Variants in CDH20 observed in about 807,000 individuals in gnomAD.
CDH20 encodes cadherin-20.
A neutral mutation model predicts 74.2 loss-of-function variants in CDH20; 29 were observed. That is an observed-to-expected ratio of 0.39 (90% CI 0.29 to 0.53). The LOEUF is 0.53. CDH20 is among the 20% of genes least tolerant of loss of function. CDH20 has a pLI of 0.69. For synonymous variants in CDH20, 469 were observed against 405.4 expected, an observed-to-expected ratio of 1.16 and a Z score of -1.88; for missense variants, 988 against 1,048.3, an observed-to-expected ratio of 0.94 and a Z score of 0.79.
In CDH20 at chr18:61,445,631, A is replaced by T. The variant is rs528329425; in HGVS notation, c.-152-44771A>T. On this transcript the variant is annotated intron_variant, in intron 1 of 11. Transcript: ENST00000262717. ...GAACTCAGATTATTCAAAGTCCAAC[A>T]CTCTTGCTCTTTGGACAACCACACT... 3.7e-4 allele frequency among the ~76,000 whole-genome samples: 57 copies of T among 152,194 alleles called. No homozygotes were observed. The South Asian group carries it at 9.7e-3, about 26-fold the overall frequency.
intron 8 of CDH20, among the ~76,000 whole-genome samples, chr18:61,538,608 G>GGTT (rs1912903855): frequency 5.5e-5 from 2 of 36,334 alleles, no homozygotes; most frequent in African/African-American, 7.0e-5. Context: ...TTTTGTTTTT[G>GGTT]TTTTTGTTTT....
intron 9 of CDH20, among the ~76,000 whole-genome samples, chr18:61,542,084 A>G (rs1237968463): frequency 1.3e-5 from 2 of 152,174 alleles, no homozygotes; most frequent in Non-Finnish European, 2.9e-5. Flanking sequence ...TTCTGAAACG[A>G]CTTTCCCAAC....
At chr18:61,469,934 G>A (rs2144377258) in intron 1 of CDH20, among the ~76,000 whole-genome samples, 1 of 152,280 alleles carries the variant, frequency 6.6e-6, no homozygotes, top group East Asian at 1.9e-4. Flanking sequence ...AAAAGAAAGT[G>A]TAACATGATT....
At chr18:61,404,085 C>A (rs931800036) in intron 1 of CDH20, among the ~76,000 whole-genome samples, 1 of 152,080 alleles carries the variant, frequency 6.6e-6, no homozygotes, top group Non-Finnish European at 1.5e-5. Context: ...TGGTAGGGGG[C>A]AAGGAGAGCA....
At chr18:61,430,383 G>A (rs1033819273) in intron 1 of CDH20, among the ~76,000 whole-genome samples, 9 of 152,044 alleles carry the variant, frequency 5.9e-5, no homozygotes, top group African/African-American at 1.9e-4. Context: ...ATCATATCAG[G>A]ATACATGTTG....
chr18:61,502,137 C>T (rs142158620), intron 4 of CDH20, among the ~76,000 whole-genome samples: 18 of 152,206 alleles, frequency 1.2e-4, no homozygotes, highest in Admixed American at 7.9e-4. Context: ...TTAATCTTTG[C>T]CTACAGTGTA....
intron 10 of CDH20, among the ~76,000 whole-genome samples, chr18:61,549,536 A>G (rs1399186323): frequency 6.6e-6 from 1 of 152,228 alleles, no homozygotes; most frequent in Non-Finnish European, 1.5e-5. Context: ...AATCTGCCAC[A>G]GTCACACAGG....
Position 61,554,405 on chromosome 18 carries a change from G to A in CDH20, c.2116G>A (p.Glu706Lys), listed in dbSNP as rs777777577. 3 of 1,612,956 alleles carry A rather than the reference G, an allele frequency of 1.9e-6. No individual in the cohort carries two copies. The highest frequency in any genetic ancestry group is 2.5e-6 in the Non-Finnish European group (3 of 1,179,718). The change falls in exon 12 of 12, where the codon GAG becomes AAG. Residue 706 changes from glutamate (E) to lysine (K), a missense_variant. By Grantham distance (56) the Glu-to-Lys change is moderately conservative. Around this residue, in one of 2 missense-constraint regions of CDH20, gnomAD observed 375 missense variants for 293.1 expected, o/e 1.28. Transcript: ENST00000262717. ...KTRQDMLPEIESLSRYVPQTC... is the reference protein window; with the variant it reads ...KTRQDMLPEIKSLSRYVPQTC... ...GCGGCAGGACATGCTGCCCGAGATC[G>A]AGAGCCTCTCCCGCTACGTGCCTCA...
intron 1 of CDH20, among the ~76,000 whole-genome samples, chr18:61,430,061 C>T (rs1913203451): frequency 1.3e-5 from 2 of 151,680 alleles, no homozygotes; most frequent in Admixed American, 6.6e-5. Flanking sequence ...GTAGAATATC[C>T]ACTCCTGGCT....
At chr18:61,352,075 T>C (rs1462637432) in intron 1 of CDH20, among the ~76,000 whole-genome samples, 1 of 152,226 alleles carries the variant, frequency 6.6e-6, no homozygotes, top group Admixed American at 6.5e-5. Context: ...AGCTTCTCGA[T>C]GCCTCTATTT....
At chr18:61,538,631 T>TTTTTTTTTTG (rs1599155936) in intron 8 of CDH20, among the ~76,000 whole-genome samples, 1 of 120,670 alleles carries the variant, frequency 8.3e-6, no homozygotes, top group Non-Finnish European at 1.8e-5. Flanking sequence ...TTTTGTTTTT[T>TTTTTTTTTTG]TTTTTGAGAC....
chr18:61,369,164 G>A (rs1298909204), intron 1 of CDH20, among the ~76,000 whole-genome samples: 1 of 151,972 alleles, frequency 6.6e-6, no homozygotes, highest in Non-Finnish European at 1.5e-5. Context: ...TTTCAAATAA[G>A]GCTACAAAGT....
intron 1 of CDH20, among the ~76,000 whole-genome samples, chr18:61,367,315 A>T (rs941909276): frequency 2.6e-5 from 4 of 152,224 alleles, no homozygotes; most frequent in Non-Finnish European, 5.9e-5. Context: ...GAAGTCAAGT[A>T]AGATCCTAAG....
At chr18:61,476,093 C>G (rs1910371766) in intron 1 of CDH20, among the ~76,000 whole-genome samples, 1 of 152,082 alleles carries the variant, frequency 6.6e-6, no homozygotes, top group South Asian at 2.1e-4. Context: ...ATCTCCCACC[C>G]CGCAGGCTCT....
At chr18:61,502,443 C>T (rs1378239330) in intron 4 of CDH20, among the ~76,000 whole-genome samples, 2 of 152,094 alleles carry the variant, frequency 1.3e-5, no homozygotes, top group African/African-American at 4.8e-5. Context: ...AGAATTCCAA[C>T]CCTGCTTACA....
intron 5 of CDH20, among the ~76,000 whole-genome samples, chr18:61,505,073 T>G (rs141585541): frequency 7.2e-5 from 11 of 152,294 alleles, no homozygotes; most frequent in Non-Finnish European, 1.6e-4. Context: ...GGGCTCATAT[T>G]ACTCACACTA....
intron 1 of CDH20, among the ~76,000 whole-genome samples, chr18:61,441,332 T>A (rs1909025963): frequency 6.6e-6 from 1 of 152,214 alleles, no homozygotes; most frequent in Non-Finnish European, 1.5e-5. Flanking sequence ...TAAATCCTTT[T>A]CATAATTTTA....
Position 61,473,460 on chromosome 18 carries a change from G to A in CDH20, c.-152-16942G>A, listed in dbSNP as rs112888556. On this transcript the variant is annotated intron_variant, in intron 1 of 11. Transcript: ENST00000262717. ...CTTAGCCTCATAAGAACAAAAACTG[G>A]TAAAGTTTACACGGGTTTCTTTTAG... 9.9e-3 allele frequency among the ~76,000 whole-genome samples: 1,504 copies of A among 152,296 alleles called. 22 individuals are homozygous for A. The highest frequency in any genetic ancestry group is 0.033 in the African/African-American group (1,375 of 41,556).
intron 1 of CDH20, among the ~76,000 whole-genome samples, chr18:61,341,960 C>T (rs1909965610): frequency 1.3e-5 from 2 of 152,074 alleles, no homozygotes; most frequent in Admixed American, 6.6e-5. Flanking sequence ...ATGAGGCATA[C>T]TCATATTTGA....
Sources: gnomAD v4.1 joint callset for allele counts (sites outside exome capture counted in the v4.1 genomes callset) on GRCh38, gnomAD v4.1.1 for gene constraint, gnomAD v4.1.1 regional missense constraint, MANE v1.5 for transcripts, NCBI Gene and HGNC (gene_info 2026-07-23, HGNC 2026-07-21) for gene names.